The following CTNNA3 variants were observed in gnomAD, a reference collection of about 807,000 sequenced individuals.
CTNNA3 encodes catenin alpha 3, also known as catenin alpha-3.
Under a neutral mutation model 95.7 loss-of-function variants are expected in CTNNA3, and 76 were observed. The observed-to-expected ratio is 0.79, with a 90% CI of 0.66 to 0.96. CTNNA3 has a LOEUF of 0.96. Among genes scored for constraint, CTNNA3 ranks in the 40% least tolerant of loss-of-function variants. The pLI is 0.00. For missense variants in CTNNA3, 1,191 were observed against 1,089.8 expected (o/e 1.09, Z -1.31); for synonymous variants, 431 against 374.4 (o/e 1.15, Z -1.74).
At chr10:66,670,156 T>C (rs1031288200) in intron 9 of CTNNA3, among the ~76,000 whole-genome samples, 2 of 152,106 alleles carry the variant, frequency 1.3e-5, no homozygotes, top group African/African-American at 4.8e-5. Flanking sequence ...ATGGGGGGGA[T>C]ACGCATTAGT....
At chr10:66,911,934 C>A (rs1846239866) in intron 7 of CTNNA3, among the ~76,000 whole-genome samples, 1 of 152,096 alleles carries the variant, frequency 6.6e-6, no homozygotes, top group Admixed American at 6.5e-5. Context: ...TTTCTCTAGG[C>A]AGAAGCCTAG....
At chr10:67,379,793 G>A (rs552442669) in intron 5 of CTNNA3, among the ~76,000 whole-genome samples, 74 of 151,936 alleles carry the variant, frequency 4.9e-4, no homozygotes, top group African/African-American at 1.6e-3. Context: ...AGGCCGAGGC[G>A]GGCGGATCAC....
At chr10:66,192,532 T>C (rs2086734191) in intron 13 of CTNNA3, among the ~76,000 whole-genome samples, 3 of 152,168 alleles carry the variant, frequency 2.0e-5, no homozygotes, top group Non-Finnish European at 2.9e-5. Flanking sequence ...AGCAAGCATA[T>C]GTATAAATTA....
intron 7 of CTNNA3, among the ~76,000 whole-genome samples, chr10:66,873,424 T>C (rs1275376593): frequency 1.3e-5 from 2 of 152,208 alleles, no homozygotes; most frequent in Non-Finnish European, 2.9e-5. Context: ...TGGTGTGAGA[T>C]GGTGTCTCAT....
At chr10:66,891,551 A>G (rs988202887) in intron 7 of CTNNA3, among the ~76,000 whole-genome samples, 2 of 152,218 alleles carry the variant, frequency 1.3e-5, no homozygotes, top group African/African-American at 4.8e-5. Context: ...TTATCCTAAA[A>G]AAACTAGCCA....
At position 67,703,175 on chromosome 10, in the gene CTNNA3, A is replaced by C. The variant is rs574951887; in HGVS notation, c.-1-55661T>G. Among the ~76,000 whole-genome samples the C allele has an allele frequency of 2.6e-5, 4 of 152,376 alleles. No homozygotes were observed. In the South Asian group the frequency reaches 8.3e-4, roughly 32 times the overall value. ...AAAGAGTCCAGGACCAGAAGGATTCACAGCCGAATTCTACCAGAGGTACAA... is the reference window on the plus strand; with the variant it reads ...AAAGAGTCCAGGACCAGAAGGATTCCCAGCCGAATTCTACCAGAGGTACAA... On this transcript the variant is annotated intron_variant, in intron 1 of 17. Coordinates refer to the CTNNA3 transcript ENST00000684154.
intron 15 of CTNNA3, among the ~76,000 whole-genome samples, chr10:66,060,270 C>A (rs2080168477): frequency 6.6e-6 from 1 of 151,794 alleles, no homozygotes; most frequent in African/African-American, 2.4e-5. Flanking sequence ...AAAAACGGGG[C>A]CATAATTTAT....
Position 67,539,617 on chromosome 10 carries a change from G to A in CTNNA3, c.345C>T (p.Leu115=). Residue 115 remains leucine, a synonymous_variant, in exon 4 of 18, where the codon CTC becomes CTT. Coordinates refer to ENST00000433211, the MANE Select transcript of CTNNA3 (RefSeq NM_013266.4). The part of the protein sequence containing the change: ...AERFTDDPCF[L]PKREAVVQAA... The stretch of plus-strand genomic sequence containing the variant: ...CTTGAACCACAGCCTCCCTTTTTGG[G>A]AGAAAACAGGGGTCATCTGTAAATC... 1 of 1,613,800 alleles carries A rather than the reference G, an allele frequency of 6.2e-7. No individual in the cohort carries two copies. Among genetic ancestry groups the A allele is most frequent in the Non-Finnish European group, 8.5e-7 (1 of 1,179,790 alleles).
chr10:67,703,859 T>C lies in CTNNA3; in HGVS notation c.-1-56345A>G, dbSNP rs1249991898. Reference sequence around the variant, plus strand: ...TTGTCCCTGTTTGCAGATGACATGATTGTATATCTAGAAAACCCCACTGTC... The same window carrying C: ...TTGTCCCTGTTTGCAGATGACATGACTGTATATCTAGAAAACCCCACTGTC... On this transcript the variant is annotated intron_variant, in intron 1 of 17. Transcript: ENST00000684154. 5.3e-5 allele frequency among the ~76,000 whole-genome samples: 8 copies of C among 152,312 alleles called. No individual in the cohort carries two copies. In the East Asian group the frequency reaches 1.2e-3, roughly 22 times the overall value.
At chr10:67,366,602 C>G (rs767890250) in intron 5 of CTNNA3, among the ~76,000 whole-genome samples, 2 of 151,710 alleles carry the variant, frequency 1.3e-5, no homozygotes, top group Non-Finnish European at 2.9e-5. Flanking sequence ...AATCCTGCCA[C>G]TGCACTCCAG....
chr10:66,145,402 C>T (rs1186288753), intron 13 of CTNNA3, among the ~76,000 whole-genome samples: 1 of 152,104 alleles, frequency 6.6e-6, no homozygotes, highest in Non-Finnish European at 1.5e-5. Context: ...TGTCCTTATG[C>T]CCCAGAGAGG....
chr10:67,040,290 T>C (rs538260015), intron 7 of CTNNA3, among the ~76,000 whole-genome samples: 9 of 152,060 alleles, frequency 5.9e-5, no homozygotes, highest in Non-Finnish European at 1.2e-4. Flanking sequence ...TGTGTGAAAG[T>C]CCTCAGGCAT....
chr10:66,935,990 C>T lies in CTNNA3; in HGVS notation c.1048-160466G>A, dbSNP rs140208209. Among the ~76,000 whole-genome samples the T allele has an allele frequency of 1.6e-3, 243 of 152,260 alleles. 1 individual carries two copies. The highest frequency in any genetic ancestry group is 0.01 in the Middle Eastern group (3 of 294). ...CCGATGATTTACCATTAGAACATCC[C>T]TCTGCTAGTTAAAGTCTAATCTGCC... On this transcript the variant is annotated intron_variant, in intron 7 of 17. Coordinates refer to ENST00000433211, the MANE Select transcript of CTNNA3 (RefSeq NM_013266.4).
intron 7 of CTNNA3, among the ~76,000 whole-genome samples, chr10:66,844,044 C>A (rs903971137): frequency 6.6e-6 from 1 of 152,122 alleles, no homozygotes; most frequent in African/African-American, 2.4e-5. Flanking sequence ...TGCCTCTTGT[C>A]GGAAAATACC....
chr10:65,982,593 A>G (rs571229518), intron 16 of CTNNA3, among the ~76,000 whole-genome samples: 32 of 151,552 alleles, frequency 2.1e-4, no homozygotes, highest in African/African-American at 7.7e-4. Flanking sequence ...TAAATATGGA[A>G]TCAGCCCAAA....
At chr10:66,033,798 AC>A (rs1312061397) in intron 15 of CTNNA3, among the ~76,000 whole-genome samples, 1 of 152,062 alleles carries the variant, frequency 6.6e-6, no homozygotes, top group Non-Finnish European at 1.5e-5. Context: ...TTTTTTCTAT[AC>A]CTCTACACGT....
chr10:66,542,812 C>T (rs1304711790), intron 10 of CTNNA3, among the ~76,000 whole-genome samples: 1 of 151,742 alleles, frequency 6.6e-6, no homozygotes, highest in Non-Finnish European at 1.5e-5. Context: ...GGGTGCAGCA[C>T]ACCAACATGG....
intron 11 of CTNNA3, among the ~76,000 whole-genome samples, chr10:66,464,913 C>T (rs1004855020): frequency 6.6e-6 from 1 of 151,726 alleles, no homozygotes; most frequent in African/African-American, 2.4e-5. Context: ...AACTTTTAAA[C>T]ATAAGCTCTC....
chr10:67,545,335 T>A (rs1840816038), intron 3 of CTNNA3, among the ~76,000 whole-genome samples: 1 of 152,156 alleles, frequency 6.6e-6, no homozygotes, highest in Non-Finnish European at 1.5e-5. Flanking sequence ...AACATATTAA[T>A]GGTATCTCCT....
Sources: gnomAD v4.1 joint callset for allele counts (sites outside exome capture counted in the v4.1 genomes callset) on GRCh38, gnomAD v4.1.1 for gene constraint, MANE v1.5 for transcripts, NCBI Gene and HGNC (gene_info 2026-07-23, HGNC 2026-07-21) for gene names.